Variants in BRD7 observed in about 807,000 individuals in gnomAD.
The protein encoded by BRD7 is bromodomain containing 7.
A neutral mutation model predicts 82.1 loss-of-function variants in BRD7; 15 were observed. That is an observed-to-expected ratio of 0.18 (90% CI 0.12 to 0.28). BRD7 has a LOEUF of 0.28. BRD7 is among the 10% of genes least tolerant of loss of function. The pLI is 1.00. For synonymous variants in BRD7, 232 were observed against 266.9 expected, an observed-to-expected ratio of 0.87 and a Z score of 1.27; for missense variants, 638 against 779.9, an observed-to-expected ratio of 0.82 and a Z score of 2.17.
At chr16:50,363,981 T>G (rs1433528719) in intron 2 of BRD7, among the ~76,000 whole-genome samples, 5 of 151,676 alleles carry the variant, frequency 3.3e-5, no homozygotes, top group Non-Finnish European at 7.4e-5. Context: ...GAGGATCACT[T>G]AAGTCCAGGA....
chr16:50,365,352 T>C (rs1412810630), intron 2 of BRD7, among the ~76,000 whole-genome samples: 1 of 152,240 alleles, frequency 6.6e-6, no homozygotes, highest in Admixed American at 6.5e-5. Context: ...TGGGGCATTC[T>C]TCACCAAAAT....
chr16:50,338,610 T>C (rs766115383), intron 6 of BRD7, among the ~76,000 whole-genome samples: 2 of 152,244 alleles, frequency 1.3e-5, no homozygotes, highest in Non-Finnish European at 1.5e-5. Context: ...CAGTGTCTTA[T>C]ACCCACTCAT....
At chr16:50,340,287 A>AT (rs1400839874) in intron 5 of BRD7, among the ~76,000 whole-genome samples, 1 of 152,210 alleles carries the variant, frequency 6.6e-6, no homozygotes, top group Non-Finnish European at 1.5e-5. Flanking sequence ...TAAATATGCT[A>AT]TATTATTTCC....
Position 50,368,302 on chromosome 16 carries a change from A to T in BRD7, c.50-4T>A, listed in dbSNP as rs999870044. 1 of 1,610,324 alleles carries T rather than the reference A, an allele frequency of 6.2e-7. No homozygotes were observed. Among genetic ancestry groups the T allele is most frequent in the Non-Finnish European group, 8.5e-7 (1 of 1,178,940 alleles). ...TTCAAGGGCTTCTCTACATACTCTT[A>T]AAAAAAGAAAAGAAAAGAAAGGAAA... On this transcript the variant is annotated splice_region_variant and splice_polypyrimidine_tract_variant and intron_variant, in intron 1 of 16. Transcript: ENST00000394688.
At chr16:50,361,525 T>C (rs760846741) in intron 2 of BRD7, among the ~76,000 whole-genome samples, 2 of 152,226 alleles carry the variant, frequency 1.3e-5, no homozygotes, top group African/African-American at 2.4e-5. Context: ...AATAAAGGAA[T>C]TGAGACCACT....
At chr16:50,321,081 G>T (rs1378630165) in intron 13 of BRD7, among the ~76,000 whole-genome samples, 1 of 152,188 alleles carries the variant, frequency 6.6e-6, no homozygotes, top group Non-Finnish European at 1.5e-5. Context: ...TGAGAGCCTT[G>T]TTGTTGCTTA....
Position 50,318,937 on chromosome 16 carries a change from C to A in BRD7, c.*274G>T. On this transcript the variant is annotated 3_prime_UTR_variant, in exon 17 of 17. Transcript: ENST00000394688. ...TTTAAGAACGCTTCTTAGTGATGATCCTGTCTGTGGGACATAAGGAAGAAG... is the reference window on the plus strand; with the variant it reads ...TTTAAGAACGCTTCTTAGTGATGATACTGTCTGTGGGACATAAGGAAGAAG... 4 of 333,668 alleles carry A rather than the reference C, an allele frequency of 1.2e-5. No individual in the cohort carries two copies. The highest frequency in any genetic ancestry group is 7.7e-5 in the South Asian group (1 of 13,056). The allele number at this position is 333,668 out of a possible 1,614,324, so 20.7% of individuals were successfully genotyped here.
At chr16:50,364,254 C>T (rs932141440) in intron 2 of BRD7, among the ~76,000 whole-genome samples, 4 of 152,118 alleles carry the variant, frequency 2.6e-5, no homozygotes, top group Non-Finnish European at 4.4e-5. Flanking sequence ...TCGCCAGTCC[C>T]TCAGAATCAT....
At chr16:50,323,222 T>C (rs553806055) in intron 12 of BRD7, among the ~76,000 whole-genome samples, 1 of 152,362 alleles carries the variant, frequency 6.6e-6, no homozygotes, top group African/African-American at 2.4e-5. Flanking sequence ...GATGTGCTAT[T>C]ACTGCACGAG....
At chr16:50,364,498 G>C (rs560343535) in intron 2 of BRD7, among the ~76,000 whole-genome samples, 1 of 152,322 alleles carries the variant, frequency 6.6e-6, no homozygotes, top group South Asian at 2.1e-4. Context: ...CTCTAGCCCT[G>C]AATGTGAAAT....
intron 4 of BRD7, among the ~76,000 whole-genome samples, chr16:50,351,043 C>T (rs1035525043): frequency 6.6e-6 from 1 of 152,034 alleles, no homozygotes; most frequent in African/African-American, 2.4e-5. Flanking sequence ...AATTTTTTTT[C>T]CCTCTGGAAA....
At chr16:50,327,176 G>C (rs561387272) in intron 9 of BRD7, among the ~76,000 whole-genome samples, 1 of 152,342 alleles carries the variant, frequency 6.6e-6, no homozygotes, top group African/African-American at 2.4e-5. Flanking sequence ...ATGAAGCTGA[G>C]AAGATGAACA....
chr16:50,352,483 A>G (rs2038567879), intron 4 of BRD7, among the ~76,000 whole-genome samples: 1 of 152,200 alleles, frequency 6.6e-6, no homozygotes, highest in Non-Finnish European at 1.5e-5. Context: ...CTTGGCTACT[A>G]TGAATAGCAC....
intron 5 of BRD7, among the ~76,000 whole-genome samples, chr16:50,344,581 T>C (rs928461877): frequency 1.2e-4 from 19 of 152,220 alleles, no homozygotes; most frequent in Admixed American, 1.0e-3. Context: ...ACTGACCTGA[T>C]GGAGCTGAAA....
At chr16:50,337,566 G>A (rs2037861913) in intron 6 of BRD7, among the ~76,000 whole-genome samples, 2 of 151,996 alleles carry the variant, frequency 1.3e-5, no homozygotes, top group South Asian at 2.1e-4. Context: ...GGCCTCATCT[G>A]TTCATTCTTT....
In BRD7 at chr16:50,318,531, T is replaced by TA. The variant is rs1463537849; in HGVS notation, c.*679dup. The TA allele has an allele frequency of 3.3e-5, 5 of 152,260 alleles. No homozygotes were observed. The highest frequency in any genetic ancestry group is 5.9e-5 in the Non-Finnish European group (4 of 68,054). The allele number at this position is 152,260 out of a possible 1,614,324, so 9.4% of individuals were successfully genotyped here. A position where few individuals can be genotyped will look rare whatever the true frequency, so the allele number is the denominator to read the frequency against. ...GCCATGAATCTTGTGGTCTCCTACT[T>TA]AGAGTTCAACTCCTTGGGTACTTGA... On this transcript the variant is annotated 3_prime_UTR_variant, in exon 17 of 17. Coordinates refer to ENST00000394688, the MANE Select transcript of BRD7 (RefSeq NM_013263.5).
intron 2 of BRD7, among the ~76,000 whole-genome samples, chr16:50,358,432 G>A (rs1036263374): frequency 6.7e-6 from 1 of 150,186 alleles, no homozygotes. Context: ...GGAGGTGGAG[G>A]TTGCGGTAAG....
Position 50,339,995 on chromosome 16 carries a change from C to A in BRD7, c.683G>T (p.Gly228Val). Residue 228 changes from glycine (G) to valine (V), a missense_variant, in exon 6 of 17, where the codon GGA becomes GTA. Transcript: ENST00000394688. The stretch of plus-strand genomic sequence containing the variant: ...CTTTACCTGGCTAAGAATTTTCATT[C>A]CTGAGTGCAACAGCTTCTTTGCAGC... ...YKAAKKLLHS[G>V]MKILSQERIQ... The A allele has an allele frequency of 6.3e-7, 1 of 1,588,762 alleles. No homozygotes were observed. The highest frequency in any genetic ancestry group is 8.6e-7 in the Non-Finnish European group (1 of 1,167,782).
intron 1 of BRD7, 136 bp from the exon 2 acceptor site, chr16:50,368,434 T>C: frequency 1.0e-6 from 1 of 990,600 alleles, no homozygotes; most frequent in Non-Finnish European, 1.4e-6. Flanking sequence ...ACCTGTTGAA[T>C]GACGGACCCC....
Sources: allele counts gnomAD v4.1 joint callset (sites outside exome capture counted in the v4.1 genomes callset), GRCh38; gene constraint gnomAD v4.1.1; transcripts MANE v1.5; gene names NCBI Gene and HGNC (gene_info 2026-07-23, HGNC 2026-07-21).